The following IGSF21 variants were observed in gnomAD, a reference collection of about 807,000 sequenced individuals.
The protein encoded by IGSF21 is immunoglobulin superfamily member 21.
In IGSF21, 28 loss-of-function variants were observed where a neutral mutation model predicts 46.8. The ratio of observed to expected loss-of-function variants is 0.60; its 90% CI spans 0.44 to 0.82. The LOEUF (loss-of-function observed/expected upper bound fraction) is 0.82. Among genes scored for constraint, IGSF21 ranks in the 40% least tolerant of loss-of-function variants. The probability of loss-of-function intolerance (pLI) is 0.00; values close to 1 mark genes in which losing one functional copy is unlikely to be tolerated. For missense variants in IGSF21, 624 were observed against 665.5 expected, an observed-to-expected ratio of 0.94 and a Z score of 0.69; for synonymous variants, 284 against 273.6, an observed-to-expected ratio of 1.04 and a Z score of -0.38.
chr1:18,291,410 A>G (rs1377535955), intron 2 of IGSF21, among the ~76,000 whole-genome samples: 3 of 152,070 alleles, frequency 2.0e-5, no homozygotes, highest in Non-Finnish European at 4.4e-5. Flanking sequence ...ATTCATCCTC[A>G]ATCTATAGCC....
chr1:18,242,279 C>A (rs937552173), intron 2 of IGSF21, among the ~76,000 whole-genome samples: 7 of 152,172 alleles, frequency 4.6e-5, no homozygotes, highest in African/African-American at 1.7e-4. Flanking sequence ...CTCCCCCACG[C>A]TGCCTCCCTG....
intron 1 of IGSF21, among the ~76,000 whole-genome samples, chr1:18,143,639 T>G (rs1006442401): frequency 6.6e-6 from 1 of 152,176 alleles, no homozygotes; most frequent in African/African-American, 2.4e-5. Context: ...TTTCAGAGGC[T>G]GGAGGAATCA....
intron 3 of IGSF21, among the ~76,000 whole-genome samples, chr1:18,323,962 G>T (rs2085631111): frequency 6.6e-6 from 1 of 152,120 alleles, no homozygotes; most frequent in Non-Finnish European, 1.5e-5. Context: ...CTTAGGTAGT[G>T]GGGCTTTTCC....
chr1:18,258,210 T>C (rs902056219), intron 2 of IGSF21, among the ~76,000 whole-genome samples: 2 of 152,178 alleles, frequency 1.3e-5, no homozygotes, highest in Non-Finnish European at 2.9e-5. Flanking sequence ...GGTTCCCTTC[T>C]TTGCACTGGG....
chr1:18,246,628 G>T (rs1000387917), intron 2 of IGSF21, among the ~76,000 whole-genome samples: 2 of 152,122 alleles, frequency 1.3e-5, no homozygotes, highest in Non-Finnish European at 2.9e-5. Flanking sequence ...GAGCTAGCTC[G>T]GTATGTGCTG....
chr1:18,375,462 G>T (rs763133692), intron 6 of IGSF21, among the ~76,000 whole-genome samples: 1 of 152,214 alleles, frequency 6.6e-6, no homozygotes, highest in East Asian at 1.9e-4. Context: ...CAATGATCCC[G>T]AGTGGCTCCT....
At chr1:18,362,452 T>A (rs935639148) in intron 5 of IGSF21, among the ~76,000 whole-genome samples, 3 of 152,064 alleles carry the variant, frequency 2.0e-5, no homozygotes, top group Non-Finnish European at 4.4e-5. Flanking sequence ...GAACCCCCAC[T>A]TCTCCTGGAG....
chr1:18,304,973 A>C (rs561294155), intron 3 of IGSF21, among the ~76,000 whole-genome samples: 3 of 152,356 alleles, frequency 2.0e-5, no homozygotes, highest in Admixed American at 1.3e-4. Context: ...ATATTATGGC[A>C]ATCTAATAAA....
At chr1:18,214,930 CG>C (rs2084428120) in intron 1 of IGSF21, among the ~76,000 whole-genome samples, 1 of 152,154 alleles carries the variant, frequency 6.6e-6, no homozygotes, top group South Asian at 2.1e-4. Context: ...TTAGTAGAGA[CG>C]GGGTTTCACC....
intron 2 of IGSF21, among the ~76,000 whole-genome samples, chr1:18,244,807 AAAT>A (rs879434282): frequency 3.3e-5 from 5 of 152,012 alleles, no homozygotes; most frequent in Non-Finnish European, 4.4e-5. Flanking sequence ...TATTATCTGC[AAAT>A]AATAATAATA....
intron 2 of IGSF21, among the ~76,000 whole-genome samples, chr1:18,275,154 A>C (rs6673479): frequency 0.24 from 36,762 of 152,176 alleles, 4,877 homozygotes; most frequent in African/African-American, 0.36. Context: ...TCTTAAACCA[A>C]CTGCAGAGCC....
At chr1:18,339,484 T>C (rs1422434722) in intron 4 of IGSF21, among the ~76,000 whole-genome samples, 1 of 152,152 alleles carries the variant, frequency 6.6e-6, no homozygotes, top group Non-Finnish European at 1.5e-5. Flanking sequence ...CTAATCCCAG[T>C]ACTTCCGGAG....
intron 1 of IGSF21, among the ~76,000 whole-genome samples, chr1:18,154,921 G>A (rs1433292736): frequency 6.6e-6 from 1 of 151,954 alleles, no homozygotes; most frequent in Non-Finnish European, 1.5e-5. Flanking sequence ...CTGTCTGGAG[G>A]AAGTGTGAAT....
At chr1:18,246,822 T>G (rs1488209666) in intron 2 of IGSF21, among the ~76,000 whole-genome samples, 1 of 152,118 alleles carries the variant, frequency 6.6e-6, no homozygotes, top group East Asian at 1.9e-4. Flanking sequence ...TGCCCCAGGC[T>G]CTTGGCAGAC....
chr1:18,130,722 T>C (rs1385269272), intron 1 of IGSF21, among the ~76,000 whole-genome samples: 1 of 152,168 alleles, frequency 6.6e-6, no homozygotes, highest in Admixed American at 6.5e-5. Flanking sequence ...CACCTCCTTG[T>C]CTGAATATCA....
intron 2 of IGSF21, among the ~76,000 whole-genome samples, chr1:18,272,741 C>G (rs920031005): frequency 6.6e-6 from 1 of 152,228 alleles, no homozygotes; most frequent in Non-Finnish European, 1.5e-5. Context: ...GGGGGCCTCT[C>G]AAGCCTCTCA....
chr1:18,124,892 A>G (rs2086263207), intron 1 of IGSF21, among the ~76,000 whole-genome samples: 1 of 152,084 alleles, frequency 6.6e-6, no homozygotes, highest in Non-Finnish European at 1.5e-5. Context: ...GTCTGAGCAG[A>G]TGAGTGTGGT....
intron 1 of IGSF21, among the ~76,000 whole-genome samples, chr1:18,210,746 C>T (rs951591668): frequency 2.0e-5 from 3 of 152,178 alleles, no homozygotes; most frequent in South Asian, 2.1e-4. Flanking sequence ...ATGCCAGTAG[C>T]GCAGCCCCCC....
At chr1:18,327,156 G>A (rs1308655576) in intron 3 of IGSF21, among the ~76,000 whole-genome samples, 5 of 152,150 alleles carry the variant, frequency 3.3e-5, no homozygotes, top group African/African-American at 1.2e-4. Context: ...AATTCCAACA[G>A]GACTTGTTAT....
Sources: allele counts gnomAD v4.1 joint callset (sites outside exome capture counted in the v4.1 genomes callset), GRCh38; gene constraint gnomAD v4.1.1; transcripts MANE v1.5; gene names NCBI Gene and HGNC (gene_info 2026-07-23, HGNC 2026-07-21).